The following COG5 variants were observed in gnomAD, a reference collection of about 807,000 sequenced individuals.
COG5 encodes conserved oligomeric Golgi complex subunit 5.
COG5 carries 86 observed loss-of-function variants against 110.4 expected under a neutral mutation model. The ratio of observed to expected loss-of-function variants is 0.78; its 90% CI spans 0.65 to 0.93. The LOEUF (loss-of-function observed/expected upper bound fraction) is 0.93. Ranked by LOEUF, COG5 falls within the 40% of genes least tolerant of loss-of-function variation. The pLI, the probability that COG5 is intolerant of heterozygous loss-of-function variation, is 0.00. For missense variants in COG5, 1,077 were observed against 987.0 expected (o/e 1.09, Z -1.22); for synonymous variants, 360 against 334.6 (o/e 1.08, Z -0.83).
chr7:107,346,345 T>C (rs1465944559), intron 10 of COG5, among the ~76,000 whole-genome samples: 1 of 152,086 alleles, frequency 6.6e-6, no homozygotes, highest in African/African-American at 2.4e-5. Context: ...TTGTGAAGGG[T>C]TCCTTGAGGG....
chr7:107,364,827 G>A (rs184251253), intron 8 of COG5, among the ~76,000 whole-genome samples: 2 of 152,284 alleles, frequency 1.3e-5, no homozygotes, highest in African/African-American at 2.4e-5. Flanking sequence ...AATAATCTAT[G>A]AGAAAGATGT....
At chr7:107,347,688 T>G (rs1185719627) in intron 10 of COG5, among the ~76,000 whole-genome samples, 1 of 152,238 alleles carries the variant, frequency 6.6e-6, no homozygotes, top group Non-Finnish European at 1.5e-5. Flanking sequence ...ATGTACTCTA[T>G]AAATAGTACA....
chr7:107,292,280 G>A (rs191882732), intron 12 of COG5, among the ~76,000 whole-genome samples: 1 of 152,244 alleles, frequency 6.6e-6, no homozygotes, highest in Admixed American at 6.5e-5. Context: ...CCATCTGCCT[G>A]CCTTGGTCTC....
intron 3 of COG5, among the ~76,000 whole-genome samples, chr7:107,552,385 T>A (rs1205569557): frequency 2.0e-5 from 3 of 152,274 alleles, no homozygotes; most frequent in African/African-American, 7.2e-5. Context: ...ACTATGCATC[T>A]GACAAAGGTC....
chr7:107,374,504 G>C (rs955088258), intron 7 of COG5, among the ~76,000 whole-genome samples: 1 of 151,968 alleles, frequency 6.6e-6, no homozygotes, highest in African/African-American at 2.4e-5. Flanking sequence ...AATGTACGCT[G>C]TAAGATTTAT....
intron 19 of COG5, among the ~76,000 whole-genome samples, chr7:107,222,728 AAAGTGCTT>A (rs1800031068): frequency 6.6e-6 from 1 of 152,058 alleles, no homozygotes; most frequent in African/African-American, 2.4e-5. Context: ...ATAACCATCT[AAAGTGCTT>A]TATGAAACAA....
At chr7:107,509,499 C>A (rs1053377068) in intron 6 of COG5, among the ~76,000 whole-genome samples, 1 of 152,252 alleles carries the variant, frequency 6.6e-6, no homozygotes, top group Admixed American at 6.5e-5. Context: ...GGAGAACTTC[C>A]CCAATCTAGC....
At chr7:107,315,022 T>C (rs1354824910) in intron 11 of COG5, among the ~76,000 whole-genome samples, 3 of 152,156 alleles carry the variant, frequency 2.0e-5, no homozygotes, top group Non-Finnish European at 2.9e-5. Flanking sequence ...AATACTTCCA[T>C]TGCAAGGATC....
intron 12 of COG5, among the ~76,000 whole-genome samples, chr7:107,288,892 A>C (rs1805876191): frequency 7.7e-6 from 1 of 130,584 alleles, no homozygotes. Context: ...ATTTGCCCCT[A>C]TGTTTTCTAA....
In COG5 at chr7:107,201,503, C is replaced by T. The variant is rs530266824; in HGVS notation, c.*2013G>A. 5 of 921,258 alleles carry T rather than the reference C, an allele frequency of 5.4e-6. No individual in the cohort carries two copies. In the East Asian group the frequency reaches 1.2e-4, roughly 23 times the overall value. 57.1% of individuals were successfully genotyped at this position (921,258 alleles called of 1,614,324 possible). On this transcript the variant is annotated 3_prime_UTR_variant, in exon 22 of 22. Transcript: ENST00000297135. ...TCTTGATGGAAAGACTTAAGAAGATCAAGGTCTCACCATTTGTCCTCAATT... is the reference window on the plus strand; with the variant it reads ...TCTTGATGGAAAGACTTAAGAAGATTAAGGTCTCACCATTTGTCCTCAATT...
At chr7:107,485,143 G>C (rs1584883444) in intron 6 of COG5, among the ~76,000 whole-genome samples, 1 of 152,298 alleles carries the variant, frequency 6.6e-6, no homozygotes, top group East Asian at 1.9e-4. Context: ...GTTAAGTGCA[G>C]AACAAAAACT....
intron 3 of COG5, 30 bp downstream of exon 3, chr7:107,554,255 C>T (rs749156929): frequency 1.7e-5 from 27 of 1,602,058 alleles, no homozygotes; most frequent in Admixed American, 5.0e-5. Context: ...TCTAGCTCTA[C>T]ATAATCTCTA....
intron 7 of COG5, among the ~76,000 whole-genome samples, chr7:107,400,219 A>C (rs1791323815): frequency 6.6e-6 from 1 of 152,208 alleles, no homozygotes; most frequent in African/African-American, 2.4e-5. Context: ...ACATAATAAA[A>C]GAGGAACAAA....
chr7:107,379,038 A>G (rs1291953460), intron 7 of COG5, among the ~76,000 whole-genome samples: 2 of 152,236 alleles, frequency 1.3e-5, no homozygotes, highest in Non-Finnish European at 2.9e-5. Context: ...CGGGTTACCC[A>G]CAAAGGGAAG....
At chr7:107,445,377 A>G (rs1012058124) in intron 6 of COG5, among the ~76,000 whole-genome samples, 2 of 152,194 alleles carry the variant, frequency 1.3e-5, no homozygotes, top group African/African-American at 4.8e-5. Flanking sequence ...ATTCCTGAAA[A>G]GATTCTTCAA....
intron 14 of COG5, among the ~76,000 whole-genome samples, chr7:107,278,021 A>T (rs1432014870): frequency 1.3e-5 from 2 of 152,196 alleles, no homozygotes; most frequent in Non-Finnish European, 2.9e-5. Context: ...ATATGAATAA[A>T]ATCTATAACT....
rs574095691 is a variant in COG5, at chr7:107,208,781, CAT to C, written c.2375+1743_2375+1744del. On this transcript the variant is annotated intron_variant, in intron 21 of 21. Transcript: ENST00000297135. ...ACATACGCCCAGAGGGCCAGTGGCT[CAT>C]GTGGGATGTGGGTACCAAGCTTGAG... 794 of 985,508 alleles carry C rather than the reference CAT, an allele frequency of 8.1e-4. 7 individuals are homozygous for C. The African/African-American group carries it at 0.013, about 16-fold the overall frequency. The allele number at this position is 985,508 out of a possible 1,614,324, so 61.0% of individuals were successfully genotyped here. A position where few individuals can be genotyped will look rare whatever the true frequency, so the allele number is the denominator to read the frequency against.
intron 6 of COG5, among the ~76,000 whole-genome samples, chr7:107,460,732 A>T (rs1227385159): frequency 3.9e-5 from 6 of 152,134 alleles, no homozygotes; most frequent in Admixed American, 3.9e-4. Flanking sequence ...CAAAAAGAAA[A>T]AAAGATGATA....
At chr7:107,416,136 T>C (rs1792827808) in intron 6 of COG5, among the ~76,000 whole-genome samples, 1 of 151,730 alleles carries the variant, frequency 6.6e-6, no homozygotes, top group African/African-American at 2.4e-5. Context: ...ACTAAAATAT[T>C]CCATTCTTAG....
Sources: allele counts gnomAD v4.1 joint callset (sites outside exome capture counted in the v4.1 genomes callset), GRCh38; gene constraint gnomAD v4.1.1; transcripts MANE v1.5; gene names NCBI Gene and HGNC (gene_info 2026-07-23, HGNC 2026-07-21).